Variants in CDH12 observed in about 807,000 individuals in gnomAD.
CDH12 encodes the protein cadherin 12, also known as cadherin-12.
Under a neutral mutation model 74.1 loss-of-function variants are expected in CDH12, and 41 were observed. The observed-to-expected ratio is 0.55, with a 90% CI of 0.43 to 0.72. The LOEUF (loss-of-function observed/expected upper bound fraction) is 0.72. Among genes scored for constraint, CDH12 ranks in the 30% least tolerant of loss-of-function variants. The pLI is 0.00. For missense variants in CDH12, 945 were observed against 977.2 expected (o/e 0.97, Z 0.44); for synonymous variants, 399 against 355.0 (o/e 1.12, Z -1.39).
chr5:22,027,309 T>C (rs1334287110), intron 5 of CDH12, among the ~76,000 whole-genome samples: 1 of 152,144 alleles, frequency 6.6e-6, no homozygotes, highest in African/African-American at 2.4e-5. Context: ...GCTTTGGTAT[T>C]AGGATGATGC....
chr5:22,435,504 G>GTGTA (rs1436374420), intron 2 of CDH12, among the ~76,000 whole-genome samples: 1 of 116,516 alleles, frequency 8.6e-6, no homozygotes, highest in Non-Finnish European at 1.8e-5. Context: ...ATATATGTGT[G>GTGTA]TGTGTGTGTG....
At chr5:22,356,140 A>G (rs894528729) in intron 3 of CDH12, among the ~76,000 whole-genome samples, 2 of 152,294 alleles carry the variant, frequency 1.3e-5, no homozygotes, top group Non-Finnish European at 2.9e-5. Context: ...TTTTTCAAAA[A>G]TGCATTCATT....
At chr5:21,896,353 A>T (rs1378604751) in intron 6 of CDH12, among the ~76,000 whole-genome samples, 1 of 152,226 alleles carries the variant, frequency 6.6e-6, no homozygotes, top group Non-Finnish European at 1.5e-5. Flanking sequence ...TTGGACAATT[A>T]AAAAGTGTCA....
chr5:21,841,415 G>C (rs1455173329), intron 8 of CDH12, among the ~76,000 whole-genome samples: 1 of 151,604 alleles, frequency 6.6e-6, no homozygotes, highest in African/African-American at 2.4e-5. Context: ...TGGTGGGACT[G>C]TAAACTAGTT....
chr5:21,940,398 A>G (rs1755276144), intron 6 of CDH12, among the ~76,000 whole-genome samples: 1 of 152,174 alleles, frequency 6.6e-6, no homozygotes, highest in Admixed American at 6.5e-5. Context: ...GAGCAAAAAT[A>G]TCATTTTATA....
chr5:22,734,230 T>C (rs1580939408), intron 1 of CDH12, among the ~76,000 whole-genome samples: 1 of 151,988 alleles, frequency 6.6e-6, no homozygotes, highest in South Asian at 2.1e-4. Context: ...TCACTATTAT[T>C]GATCGCCAAC....
At chr5:21,768,694 T>C (rs1745158435) in intron 11 of CDH12, among the ~76,000 whole-genome samples, 1 of 152,018 alleles carries the variant, frequency 6.6e-6, no homozygotes, top group Non-Finnish European at 1.5e-5. Context: ...GGTGGCTTCA[T>C]GAGGAATTCT....
At chr5:22,490,240 A>G (rs1746802598) in intron 2 of CDH12, among the ~76,000 whole-genome samples, 1 of 152,180 alleles carries the variant, frequency 6.6e-6, no homozygotes, top group Non-Finnish European at 1.5e-5. Flanking sequence ...AAACACAACT[A>G]ATTTTGAGTT....
intron 11 of CDH12, among the ~76,000 whole-genome samples, chr5:21,778,883 T>C (rs1339555263): frequency 1.3e-5 from 2 of 152,186 alleles, no homozygotes; most frequent in Non-Finnish European, 2.9e-5. Flanking sequence ...CATATAAGGA[T>C]AATATTACTT....
chr5:22,328,309 T>C (rs1260593223), intron 3 of CDH12, among the ~76,000 whole-genome samples: 1 of 152,212 alleles, frequency 6.6e-6, no homozygotes, highest in Non-Finnish European at 1.5e-5. Flanking sequence ...CACTTATGAT[T>C]TATGCTTTAA....
At chr5:22,426,220 A>G (rs1476393533) in intron 2 of CDH12, among the ~76,000 whole-genome samples, 1 of 151,496 alleles carries the variant, frequency 6.6e-6, no homozygotes, top group Non-Finnish European at 1.5e-5. Context: ...AGGATACATA[A>G]AAGCTACTAT....
chr5:21,896,710 A>C (rs1452207888), intron 6 of CDH12, among the ~76,000 whole-genome samples: 1 of 152,222 alleles, frequency 6.6e-6, no homozygotes, highest in Non-Finnish European at 1.5e-5. Context: ...AACAAAAAAA[A>C]CTTTTTTTAT....
chr5:21,949,171 T>A (rs1178680347), intron 6 of CDH12, among the ~76,000 whole-genome samples: 1 of 152,286 alleles, frequency 6.6e-6, no homozygotes, highest in African/African-American at 2.4e-5. Flanking sequence ...ATATTTTTTA[T>A]TGTTATTGTA....
chr5:21,899,125 T>C (rs896216478), intron 6 of CDH12, among the ~76,000 whole-genome samples: 1 of 152,206 alleles, frequency 6.6e-6, no homozygotes, highest in Non-Finnish European at 1.5e-5. Flanking sequence ...ATCCTTAACA[T>C]CTAAATTTAA....
Position 22,570,217 on chromosome 5 carries a change from G to A in CDH12, c.-522-64853C>T, listed in dbSNP as rs371408715. On this transcript the variant is annotated intron_variant, in intron 1 of 14. Coordinates refer to ENST00000382254, the MANE Select transcript of CDH12 (RefSeq NM_004061.5). ...ATTACAGGCGCCCACCACCACACCT[G>A]GCTAATTTTTGTATTTTTACTAGGT... Among the ~76,000 whole-genome samples, 27 of 151,738 alleles carry A rather than the reference G, an allele frequency of 1.8e-4. No individual in the cohort carries two copies. The East Asian group carries it at 4.9e-3, about 27-fold the overall frequency.
intron 5 of CDH12, among the ~76,000 whole-genome samples, chr5:22,073,716 A>G (rs779627784): frequency 2.0e-5 from 3 of 152,148 alleles, no homozygotes; most frequent in Non-Finnish European, 4.4e-5. Flanking sequence ...TTCAAGTAAT[A>G]GCACAGTTTG....
chr5:21,940,959 G>A (rs4028790), intron 6 of CDH12, among the ~76,000 whole-genome samples: 14 of 151,878 alleles, frequency 9.2e-5, no homozygotes, highest in Admixed American at 7.9e-4. Flanking sequence ...ACAATTTGTC[G>A]GTAAACCATC....
At chr5:22,728,932 C>T (rs1449805557) in intron 1 of CDH12, among the ~76,000 whole-genome samples, 1 of 151,768 alleles carries the variant, frequency 6.6e-6, no homozygotes, top group Non-Finnish European at 1.5e-5. Flanking sequence ...CAAAAGCATG[C>T]AATCCATAAC....
chr5:22,603,328 T>A (rs530892505), intron 1 of CDH12, among the ~76,000 whole-genome samples: 8 of 152,286 alleles, frequency 5.3e-5, no homozygotes, highest in Admixed American at 2.6e-4. Context: ...AATGAGATGT[T>A]GAGTTTGGGA....
Sources: gnomAD v4.1 joint callset for allele counts (sites outside exome capture counted in the v4.1 genomes callset) on GRCh38, gnomAD v4.1.1 for gene constraint, MANE v1.5 for transcripts, NCBI Gene and HGNC (gene_info 2026-07-23, HGNC 2026-07-21) for gene names.